The following CAPN3 variants were observed in gnomAD, a reference collection of about 807,000 sequenced individuals.
CAPN3 encodes the protein calpain 3.
CAPN3 carries 88 observed loss-of-function variants against 114.0 expected under a neutral mutation model. That is an observed-to-expected ratio of 0.77 (90% confidence interval 0.65 to 0.92). The LOEUF is 0.92. Ranked by LOEUF, CAPN3 falls within the 40% of genes least tolerant of loss-of-function variation. CAPN3 has a pLI of 0.00. For missense variants in CAPN3, 1,028 were observed against 1,069.0 expected, an observed-to-expected ratio of 0.96 and a Z score of 0.53; for synonymous variants, 386 against 382.9, an observed-to-expected ratio of 1.01 and a Z score of -0.09.
chr15:42,361,242 G>A (rs1366899169), intron 1 of CAPN3, among the ~76,000 whole-genome samples: 1 of 152,216 alleles, frequency 6.6e-6, no homozygotes, highest in East Asian at 1.9e-4. Flanking sequence ...CAGGCTGGAG[G>A]ATTGCTTGAG....
intron 5 of CAPN3, among the ~76,000 whole-genome samples, chr15:42,389,586 A>T (rs2053497126): frequency 6.6e-6 from 1 of 152,202 alleles, no homozygotes; most frequent in South Asian, 2.1e-4. Context: ...AGCCAAGGGT[A>T]GGGAGATGGC....
intron 1 of CAPN3, among the ~76,000 whole-genome samples, chr15:42,377,254 G>A (rs1450614588): frequency 6.6e-6 from 1 of 152,126 alleles, no homozygotes; most frequent in African/African-American, 2.4e-5. Context: ...CTAGTCTTAA[G>A]GGGAAAGCAT....
Position 42,393,599 on chromosome 15 carries a change from T to C in CAPN3, c.1030-657T>C, listed in dbSNP as rs551445377. ...GCCTTTTGTCTTTCTTTCTTTCTTT[T>C]TTTTTTTTTTTTGAGACGGAGTCTC... is the stretch of plus-strand genomic sequence containing the variant. On this transcript the variant is annotated intron_variant, in intron 7 of 23. Transcript: ENST00000397163. Among the ~76,000 whole-genome samples, 201 of 150,112 alleles carry C rather than the reference T, an allele frequency of 1.3e-3. 2 individuals are homozygous for C. Among genetic ancestry groups the C allele is most frequent in the Middle Eastern group, 6.9e-3 (2 of 290 alleles).
rs1046912251 is a variant in CAPN3 at position 42,402,940 on chromosome 15, C to T, written c.1683C>T (p.Tyr561=). Residue 561 remains tyrosine, a synonymous_variant, in exon 13 of 24, where the codon TAC becomes TAT. Coordinates refer to ENST00000397163, the MANE Select transcript of CAPN3 (RefSeq NM_000070.3). ...PSEYVIVPST[Y]EPHQEGEFIL... Reference sequence around the variant, plus strand: ...AGTACGTCATCGTGCCCTCCACCTACGAGCCCCACCAGGAGGGGGAATTCA... The same window carrying T: ...AGTACGTCATCGTGCCCTCCACCTATGAGCCCCACCAGGAGGGGGAATTCA... 102 of 1,614,088 alleles carry T rather than the reference C, an allele frequency of 6.3e-5. No homozygotes were observed. Among genetic ancestry groups the T allele is most frequent in the Non-Finnish European group, 8.4e-5 (99 of 1,180,028 alleles).
rs1433656886 is a variant in CAPN3 at position 42,412,232 on chromosome 15, G to C, written c.*459G>C. On this transcript the variant is annotated 3_prime_UTR_variant, in exon 24 of 24. Coordinates refer to ENST00000397163, the MANE Select transcript of CAPN3 (RefSeq NM_000070.3). ...GGGTAAACTAACTCAGTGGAATAGG[G>C]CTGGTTACTTTGGGCTGTCCAACTC... The C allele has an allele frequency of 1.3e-6, 2 of 1,518,894 alleles. No homozygotes were observed. Among genetic ancestry groups the C allele is most frequent in the Admixed American group, 4.0e-5 (2 of 50,018 alleles). 94.1% of individuals were successfully genotyped at this position (1,518,894 alleles called of 1,614,324 possible). A position where few individuals can be genotyped will look rare whatever the true frequency, so the allele number is the denominator to read the frequency against.
At chr15:42,399,827 A>G (rs1277774792) in intron 10 of CAPN3, among the ~76,000 whole-genome samples, 175 bp downstream of exon 10, 2 of 152,242 alleles carry the variant, frequency 1.3e-5, no homozygotes, top group Non-Finnish European at 2.9e-5. Context: ...GGGAGCTGGT[A>G]GCAACTTTGA....
At chr15:42,374,675 C>T (rs1333833997) in intron 1 of CAPN3, 1 of 152,062 alleles carries the variant, frequency 6.6e-6, no homozygotes, top group African/African-American at 2.4e-5. Context: ...TCTGCTCCTT[C>T]CTGAAACTGG....
At chr15:42,373,715 C>G (rs1317038721) in intron 1 of CAPN3, among the ~76,000 whole-genome samples, 2 of 152,198 alleles carry the variant, frequency 1.3e-5, no homozygotes, top group African/African-American at 4.8e-5. Flanking sequence ...AGTTACCTAC[C>G]CTCTGCATCA....
chr15:42,390,146 AC>A, intron 6 of CAPN3, 50 bp downstream of exon 6: 1 of 1,607,134 alleles, frequency 6.2e-7, no homozygotes, highest in South Asian at 1.1e-5. Context: ...AACCCACATG[AC>A]CCCGCCCTAT....
In CAPN3 at chr15:42,408,216, C is replaced by T. The variant is rs771950976; in HGVS notation, c.1806C>T (p.Ile602=). The change falls in exon 16 of 24, where the codon ATC becomes ATT. Residue 602 remains isoleucine (I), a synonymous_variant. Transcript: ENST00000397163. ...RPVKKKKTKP[I]IFVSDRANSN... ...CTCCTCCCTCCTCTCTCCAGCCCAT[C>T]ATCTTCGTTTCGGACAGAGCAAACA... The T allele has an allele frequency of 1.2e-6, 2 of 1,611,774 alleles. No individual in the cohort carries two copies. Among genetic ancestry groups the T allele is most frequent in the South Asian group, 1.1e-5 (1 of 90,980 alleles).
chr15:42,366,521 G>A (rs751711833), intron 1 of CAPN3, among the ~76,000 whole-genome samples: 14 of 152,152 alleles, frequency 9.2e-5, no homozygotes, highest in Non-Finnish European at 1.3e-4. Context: ...CGCCAAATGT[G>A]CTCACTTTCT....
At chr15:42,371,850 A>G (rs893417956) in intron 1 of CAPN3, among the ~76,000 whole-genome samples, 3 of 151,832 alleles carry the variant, frequency 2.0e-5, no homozygotes, top group East Asian at 1.9e-4. Context: ...TGTAATCCCA[A>G]CTACTCGGGA....
In CAPN3 at chr15:42,365,778, G is replaced by A. The variant is rs1016248321; in HGVS notation, c.309+5664G>A. On this transcript the variant is annotated intron_variant, in intron 1 of 23. Coordinates refer to ENST00000397163, the MANE Select transcript of CAPN3 (RefSeq NM_000070.3). The stretch of plus-strand genomic sequence containing the variant: ...GCCCAGTAGTCCAACCTCACCCTTA[G>A]CCCTGCTCTTCTTCACTCCTGGGGC... Among the ~76,000 whole-genome samples, 11 of 152,166 alleles carry A rather than the reference G, an allele frequency of 7.2e-5. No individual in the cohort carries two copies. The South Asian group carries it at 2.3e-3, about 32-fold the overall frequency.
intron 1 of CAPN3, among the ~76,000 whole-genome samples, chr15:42,382,891 T>C (rs2053287642): frequency 6.6e-6 from 1 of 152,232 alleles, no homozygotes; most frequent in Non-Finnish European, 1.5e-5. Flanking sequence ...GATGGCTTTT[T>C]AAAATAATTT....
intron 2 of CAPN3, chr15:42,385,772 A>G (rs750901093): frequency 1.9e-6 from 1 of 526,420 alleles, no homozygotes; most frequent in Admixed American, 1.9e-5. Context: ...CTGAAGTCAG[A>G]AGAGGAATTG....
rs28364533 is a variant in CAPN3 at position 42,409,561 on chromosome 15, TG to T, written c.1992+187del. On this transcript the variant is annotated intron_variant, in intron 17 of 23. Transcript: ENST00000397163. Reference sequence around the variant, plus strand: ...TTGAGTTTTGGACTGCCACGTCTGCTGGGGGGCTCAGAGGCCTTTTTGCTCT... The same window carrying T: ...TTGAGTTTTGGACTGCCACGTCTGCTGGGGGCTCAGAGGCCTTTTTGCTCT... 6.1e-3 allele frequency among the ~76,000 whole-genome samples: 928 copies of T among 152,294 alleles called. 5 individuals carry two copies. The highest frequency in any genetic ancestry group is 9.0e-3 in the Non-Finnish European group (614 of 68,012).
At position 42,373,602 on chromosome 15, in the gene CAPN3, C is replaced by G. The variant is rs556549718; in HGVS notation, c.310-10881C>G. ...CATGACACACATTCATCTGCTTTCC[C>G]CATCCACCACATTCTCTGCCCTAAA... On this transcript the variant is annotated intron_variant, in intron 1 of 23. Transcript: ENST00000397163. 3.9e-5 allele frequency among the ~76,000 whole-genome samples: 6 copies of G among 152,338 alleles called. No individual in the cohort carries two copies. In the South Asian group the frequency reaches 1.2e-3, roughly 32 times the overall value.
chr15:42,374,986 A>AATTTATTTATTTATTTATTT (rs71431847), intron 1 of CAPN3, among the ~76,000 whole-genome samples: 1 of 133,988 alleles, frequency 7.5e-6, no homozygotes, highest in East Asian at 2.2e-4. Flanking sequence ...TTTAAATAAA[A>AATTTATTTATTTATTTATTT]ATTTATTTAT....
intron 1 of CAPN3, among the ~76,000 whole-genome samples, chr15:42,375,918 C>T (rs988731167): frequency 6.6e-6 from 1 of 152,168 alleles, no homozygotes; most frequent in Non-Finnish European, 1.5e-5. Context: ...AGTAACGTCT[C>T]CTTAGCCTTC....
Sources: gnomAD v4.1 joint callset for allele counts (sites outside exome capture counted in the v4.1 genomes callset) on GRCh38, gnomAD v4.1.1 for gene constraint, MANE v1.5 for transcripts, NCBI Gene and HGNC (gene_info 2026-07-23, HGNC 2026-07-21) for gene names.